The following ASIC2 variants were observed in gnomAD, a reference collection of about 807,000 sequenced individuals.
ASIC2 encodes the protein acid sensing ion channel subunit 2.
A neutral mutation model predicts 57.3 loss-of-function variants in ASIC2; 25 were observed. That is an observed-to-expected ratio of 0.44 (90% confidence interval 0.32 to 0.61). The LOEUF (loss-of-function observed/expected upper bound fraction) is 0.61, where lower values mean the gene tolerates loss of function less well. ASIC2 is among the 20% of genes least tolerant of loss of function. The pLI is 0.06. For synonymous variants in ASIC2, 319 were observed against 307.5 expected, an observed-to-expected ratio of 1.04 and a Z score of -0.39; for missense variants, 641 against 738.1, an observed-to-expected ratio of 0.87 and a Z score of 1.52.
intron 1 of ASIC2, among the ~76,000 whole-genome samples, chr17:33,579,797 GAAAAACACCC>G (rs1904356947): frequency 6.6e-6 from 1 of 152,008 alleles, no homozygotes; most frequent in Admixed American, 6.6e-5. Flanking sequence ...ACCACACCGT[GAAAAACACCC>G]CTTGGATTTC....
At chr17:34,097,560 G>A (rs1910591940) in intron 1 of ASIC2, among the ~76,000 whole-genome samples, 1 of 152,286 alleles carries the variant, frequency 6.6e-6, no homozygotes, top group East Asian at 1.9e-4. Context: ...TTTCAATAGG[G>A]CTGATGTTCT....
chr17:33,799,446 C>A (rs1381831550), intron 1 of ASIC2, among the ~76,000 whole-genome samples: 2 of 77,680 alleles, frequency 2.6e-5, no homozygotes, highest in African/African-American at 9.7e-5. Flanking sequence ...TTCTTTCTTT[C>A]TTTCTTTCTT....
At chr17:33,503,943 A>G (rs1567632989) in intron 1 of ASIC2, among the ~76,000 whole-genome samples, 1 of 152,246 alleles carries the variant, frequency 6.6e-6, no homozygotes, top group Non-Finnish European at 1.5e-5. Flanking sequence ...GACACATTGC[A>G]GACACACCAG....
At chr17:33,799,266 C>T (rs1252889905) in intron 1 of ASIC2, among the ~76,000 whole-genome samples, 3 of 151,386 alleles carry the variant, frequency 2.0e-5, no homozygotes, top group South Asian at 4.2e-4. Flanking sequence ...TCCATCAATC[C>T]GTTTTTCCTC....
At chr17:33,398,909 A>G (rs1023100656) in intron 1 of ASIC2, among the ~76,000 whole-genome samples, 2 of 152,186 alleles carry the variant, frequency 1.3e-5, no homozygotes, top group African/African-American at 4.8e-5. Context: ...GGCATGCTGC[A>G]AAGGGCCTTG....
chr17:33,850,968 C>T (rs887918409), intron 1 of ASIC2, among the ~76,000 whole-genome samples: 1 of 152,158 alleles, frequency 6.6e-6, no homozygotes, highest in Non-Finnish European at 1.5e-5. Flanking sequence ...GAGCCAGAGG[C>T]TTGGACAGCC....
At chr17:33,703,880 C>A (rs2142071395) in intron 1 of ASIC2, among the ~76,000 whole-genome samples, 1 of 152,296 alleles carries the variant, frequency 6.6e-6, no homozygotes, top group African/African-American at 2.4e-5. Context: ...AAGCTCTGAC[C>A]TTTAGCCCTC....
At chr17:33,900,439 A>G (rs1915207703) in intron 1 of ASIC2, among the ~76,000 whole-genome samples, 1 of 152,190 alleles carries the variant, frequency 6.6e-6, no homozygotes, top group South Asian at 2.1e-4. Flanking sequence ...ATGCCCTCCC[A>G]ACACTGAGAA....
intron 1 of ASIC2, among the ~76,000 whole-genome samples, chr17:33,836,116 CTTTTTTTTT>C: frequency 8.6e-6 from 1 of 116,370 alleles, no homozygotes; most frequent in East Asian, 3.3e-4. Context: ...CCTCATACAG[CTTTTTTTTT>C]TTTTTTTTTT....
chr17:33,019,119 A>G (rs1393835091), intron 7 of ASIC2, among the ~76,000 whole-genome samples: 2 of 152,006 alleles, frequency 1.3e-5, no homozygotes, highest in Non-Finnish European at 2.9e-5. Context: ...ATGGATATGT[A>G]TGTCGGGGGA....
chr17:33,519,047 C>A (rs951675076), intron 1 of ASIC2, among the ~76,000 whole-genome samples: 2 of 151,936 alleles, frequency 1.3e-5, no homozygotes, highest in Non-Finnish European at 2.9e-5. Context: ...GTCTCGATCT[C>A]CTGACCTCGT....
intron 1 of ASIC2, among the ~76,000 whole-genome samples, chr17:33,228,763 C>T (rs1042267407): frequency 6.6e-6 from 1 of 152,238 alleles, no homozygotes; most frequent in African/African-American, 2.4e-5. Context: ...CTATCCTTCC[C>T]TGTACTGGAG....
intron 1 of ASIC2, among the ~76,000 whole-genome samples, chr17:34,085,817 T>C (rs569026141): frequency 6.5e-4 from 99 of 152,222 alleles, no homozygotes; most frequent in Admixed American, 1.9e-3. Context: ...TTTTCTAGTT[T>C]ATTTGTGTAG....
intron 1 of ASIC2, among the ~76,000 whole-genome samples, chr17:34,040,201 A>G (rs8072026): frequency 0.43 from 50,731 of 118,620 alleles, 13,473 homozygotes; most frequent in African/African-American, 0.79. Context: ...GGCCCAGGCC[A>G]GGTCAGGAGG....
intron 1 of ASIC2, among the ~76,000 whole-genome samples, chr17:33,220,262 T>C (rs536996960): frequency 3.7e-4 from 56 of 152,328 alleles, no homozygotes; most frequent in South Asian, 2.5e-3. Flanking sequence ...CTGTGCTACA[T>C]AGAAAACAGC....
At chr17:33,283,060 T>C (rs2142171535) in intron 1 of ASIC2, among the ~76,000 whole-genome samples, 1 of 152,350 alleles carries the variant, frequency 6.6e-6, no homozygotes, top group Non-Finnish European at 1.5e-5. Flanking sequence ...ACACCCCAGC[T>C]AGGCCCTGGC....
intron 1 of ASIC2, among the ~76,000 whole-genome samples, chr17:33,317,055 G>C (rs550317953): frequency 3.2e-4 from 48 of 152,312 alleles, no homozygotes; most frequent in African/African-American, 1.2e-3. Context: ...AGTTGCTTAG[G>C]CCCGATCTTG....
At chr17:33,761,828 C>T (rs1325251718) in intron 1 of ASIC2, among the ~76,000 whole-genome samples, 2 of 140,914 alleles carry the variant, frequency 1.4e-5, no homozygotes, top group East Asian at 2.2e-4. Context: ...ACCTCCCCAG[C>T]GCAAGGGCTT....
chr17:33,799,382 CT>C (rs1250719098), intron 1 of ASIC2, among the ~76,000 whole-genome samples: 2 of 22,786 alleles, frequency 8.8e-5, no homozygotes, highest in East Asian at 8.9e-4. Context: ...TTCTTCCTTT[CT>C]TTCTTTCTTT....
Sources: allele counts gnomAD v4.1 joint callset (sites outside exome capture counted in the v4.1 genomes callset), GRCh38; gene constraint gnomAD v4.1.1; transcripts MANE v1.5; gene names NCBI Gene and HGNC (gene_info 2026-07-23, HGNC 2026-07-21).